HSPG2: variants seen among roughly 807,000 people sequenced by gnomAD.
HSPG2 encodes basement membrane-specific heparan sulfate proteoglycan core protein.
Under a neutral mutation model 526.6 loss-of-function variants are expected in HSPG2, and 278 were observed. The observed-to-expected ratio is 0.53, with a 90% CI of 0.48 to 0.58. The LOEUF is 0.58. Among genes scored for constraint, HSPG2 ranks in the 20% least tolerant of loss-of-function variants. HSPG2 has a pLI of 0.00. For synonymous variants in HSPG2, 2,465 were observed against 2,555.4 expected (o/e 0.96, Z 1.07); for missense variants, 5,354 against 6,099.5 (o/e 0.88, Z 4.07).
At chr1:21,907,231 G>T (rs1021076467) in intron 1 of HSPG2, among the ~76,000 whole-genome samples, 3 of 152,164 alleles carry the variant, frequency 2.0e-5, no homozygotes, top group Admixed American at 6.5e-5. Flanking sequence ...AGAGAGCTTC[G>T]TTCAGCTGCT....
intron 67 of HSPG2, 137 bp downstream of exon 67, chr1:21,842,633 G>A (rs1270454049): frequency 1.6e-5 from 19 of 1,172,224 alleles, no homozygotes; most frequent in Admixed American, 4.1e-5. Flanking sequence ...TTGCAGGCTG[G>A]TGAACTCGTC....
Position 21,872,867 on chromosome 1 carries a change from C to T in HSPG2, c.3889-107G>A. 1 of 1,537,436 alleles carries T rather than the reference C, an allele frequency of 6.5e-7. No individual in the cohort carries two copies. Among genetic ancestry groups the T allele is most frequent in the Non-Finnish European group, 8.9e-7 (1 of 1,117,704 alleles). ...GCCACTTCCAGCAGCCCCGGGCAGC[C>T]CCTGCCCTGTCCCCCATGCCCTGCC... On this transcript the variant is annotated intron_variant, in intron 31 of 96. Transcript: ENST00000374695. This position sits in a 1 kb window ranked among gnomAD's most constrained non-coding sequence, Gnocchi z 5.5.
chr1:21,873,019 G>A lies in HSPG2; in HGVS notation c.3866C>T (p.Ala1289Val), dbSNP rs1475997368. Residue 1289 changes from alanine to valine, a missense_variant, in exon 31 of 97, where the codon GCT (alanine) becomes GTT (valine). Transcript: ENST00000374695. ...GACCTTGCACTGGCACTGACCAGCA[G>A]CATCACACTGGCTGCTGACGCTGCC... Reference protein sequence around the residue: ...PQGSVSSQCDAAGQCQCKAQV... With the variant: ...PQGSVSSQCDVAGQCQCKAQV... The A allele has an allele frequency of 6.2e-7, 1 of 1,609,734 alleles. No individual in the cohort carries two copies. Among genetic ancestry groups the A allele is most frequent in the Non-Finnish European group, 8.5e-7 (1 of 1,179,938 alleles).
intron 17 of HSPG2, among the ~76,000 whole-genome samples, chr1:21,879,756 G>A (rs2244426): frequency 0.94 from 143,070 of 152,158 alleles, 67,903 homozygotes; most frequent in East Asian, 1. Context: ...GGGTTCAAGC[G>A]ATTTTCCTGC....
intron 74 of HSPG2, among the ~76,000 whole-genome samples, chr1:21,837,812 G>C (rs1434395733): frequency 6.6e-6 from 1 of 152,058 alleles, no homozygotes. Context: ...TACATGGTTG[G>C]CATTGTTCTC....
At chr1:21,863,070 A>AAAAAAAAAAC in intron 37 of HSPG2, among the ~76,000 whole-genome samples, 1 of 134,198 alleles carries the variant, frequency 7.5e-6, no homozygotes, top group Non-Finnish European at 1.6e-5. Flanking sequence ...CAAAAAAAAA[A>AAAAAAAAAAC]AAAAAAAAAA....
In HSPG2 at chr1:21,833,647, T is replaced by C. The variant is rs74060187; in HGVS notation, c.10831-33A>G. 41,948 of 1,613,596 alleles carry C rather than the reference T, an allele frequency of 0.026. 1,093 individuals carry two copies. Among genetic ancestry groups the C allele is most frequent in the African/African-American group, 0.14 (10,321 of 75,024 alleles). ...TGCACTAGCACTGAGGGCCCTGGCC[T>C]TGGCCCACGGCTCCAGGGGCCCACC... On this transcript the variant is annotated intron_variant, in intron 78 of 96. Transcript: ENST00000374695.
rs1640933536 is a variant in HSPG2, at chr1:21,874,956, G to A, written c.3349C>T (p.Gln1117Ter). 1 of 1,611,484 alleles carries A rather than the reference G, an allele frequency of 6.2e-7. No individual in the cohort carries two copies. Among genetic ancestry groups the A allele is most frequent in the Admixed American group, 1.7e-5 (1 of 59,736 alleles). ...TGTTCCACTTCCAGCGCGGGGTCCT[G>A]GCCGGTTTCCTCGGGCACAGCCACG... ...MDVAVPEETG[Q>*]DPALEVEQCS... Residue 1117 changes from glutamine (Q) to a stop codon, truncating the protein, a stop_gained, in exon 26 of 97, where the codon CAG (glutamine) becomes TAG (stop). Transcript: ENST00000374695. LOFTEE classifies it high-confidence loss of function.
At position 21,833,742 on chromosome 1, in the gene HSPG2, T is replaced by G. The variant is rs184313301; in HGVS notation, c.10830+74A>C. The G allele has an allele frequency of 2.2e-3, 3,298 of 1,527,136 alleles. 10 individuals carry two copies. The highest frequency in any genetic ancestry group is 3.6e-3 in the South Asian group (313 of 86,368). 94.6% of individuals were successfully genotyped at this position (1,527,136 alleles called of 1,614,324 possible). On this transcript the variant is annotated intron_variant, in intron 78 of 96. Coordinates refer to ENST00000374695, the MANE Select transcript of HSPG2 (RefSeq NM_005529.7). ...TCTTGGCCAAGCCTGTGCCACATCC[T>G]GGGGACACTGAGACGCTTCAGATCT...
At position 21,895,959 on chromosome 1, in the gene HSPG2, C is replaced by T. The variant is rs145744299; in HGVS notation, c.207G>A (p.Leu69=). The change falls in exon 3 of 97, where the codon CTG becomes CTA. Residue 69 remains leucine, a synonymous_variant. Coordinates refer to ENST00000374695, the MANE Select transcript of HSPG2 (RefSeq NM_005529.7). This position sits in a 1 kb window ranked among gnomAD's most constrained non-coding sequence, Gnocchi z 4.1. The part of the protein sequence containing the change: ...MLADSISGDD[L]GSGDLGSGDF... ...CCCCGCTGCCCAGGTCCCCACTGCC[C>T]AGGTCGTCTATAAGCAAAAAAGAGA... is the stretch of plus-strand genomic sequence containing the variant. The T allele has an allele frequency of 2.5e-6, 4 of 1,613,998 alleles. No homozygotes were observed. In the African/African-American group the frequency reaches 4.0e-5, roughly 16 times the overall value.
In HSPG2 at chr1:21,834,936, G is replaced by C; in HGVS notation, c.10463C>G (p.Ser3488Trp). The C allele has an allele frequency of 6.2e-7, 1 of 1,612,364 alleles. No homozygotes were observed. Among genetic ancestry groups the C allele is most frequent in the Non-Finnish European group, 8.5e-7 (1 of 1,180,008 alleles). The change falls in exon 77 of 97, where the codon TCG (serine) becomes TGG (tryptophan). Residue 3488 changes from serine (S) to tryptophan (W), a missense_variant. Ser to Trp is a radical substitution (Grantham distance 177, BLOSUM62 -3). Transcript: ENST00000374695. The stretch of plus-strand genomic sequence containing the variant: ...AGAGGTCCGGATGTTGATGAGCACC[G>C]AGGGCAGGGCTGGGGAGGAGGGAGG... Reference protein sequence around the residue: ...SAQLVIQALPSVLINIRTSVQ... With the variant: ...SAQLVIQALPWVLINIRTSVQ...
At position 21,873,978 on chromosome 1, in the gene HSPG2, G is replaced by A. The variant is rs1025715393; in HGVS notation, c.3690C>T (p.Gly1230=). Residue 1230 remains glycine, a synonymous_variant, in exon 29 of 97, where the codon GGC becomes GGT. Coordinates refer to ENST00000374695, the MANE Select transcript of HSPG2 (RefSeq NM_005529.7). ...GGGAGCACGCATCACAGGTGGGGTG[G>A]CCGTCTGTGTCCAGAAAACAAGTGT... ...AAHTCFLDTD[G]HPTCDACSPG... 3 of 1,606,608 alleles carry A rather than the reference G, an allele frequency of 1.9e-6. No individual in the cohort carries two copies. The highest frequency in any genetic ancestry group is 2.6e-6 in the Non-Finnish European group (3 of 1,176,394).
At position 21,827,908 on chromosome 1, in the gene HSPG2, C is replaced by A; in HGVS notation, c.12544G>T (p.Gly4182Cys). The change falls in exon 91 of 97, where the codon GGC (glycine) becomes TGC (cysteine). Residue 4182 changes from glycine to cysteine, a missense_variant. Gly to Cys is a radical substitution (Grantham distance 159). Transcript: ENST00000374695. ...GPRCQQGSGH[G>C]IAESDWHLEG... ...AGATGCCAGTCGGACTCTGCTATGC[C>A]ATGTCCAGAGCCTATGGAGAAGGGC... 6.2e-7 allele frequency: 1 copy of A among 1,600,886 alleles called. No homozygotes were observed. Among genetic ancestry groups the A allele is most frequent in the African/African-American group, 1.3e-5 (1 of 74,986 alleles).
intron 1 of HSPG2, chr1:21,908,439 GA>G: frequency 1.2e-6 from 1 of 858,084 alleles, no homozygotes; most frequent in Non-Finnish European, 2.0e-6. Flanking sequence ...AGAATGATCA[GA>G]AAAAGAGAGA....
chr1:21,875,783 C>T (rs370484893), intron 24 of HSPG2, 36 bp from the exon 25 acceptor site: 666 of 1,605,650 alleles, frequency 4.1e-4, no homozygotes, highest in African/African-American at 6.0e-4. Flanking sequence ...CAGCCCCTGA[C>T]GTCCTGGAGT....
chr1:21,874,364 A>G, intron 28 of HSPG2, 42 bp downstream of exon 28: 1 of 1,609,434 alleles, frequency 6.2e-7, no homozygotes, highest in Non-Finnish European at 8.5e-7. Context: ...CGGGTGGTAG[A>G]CATTTCAGGG....
chr1:21,917,101 G>A (rs755773182), intron 1 of HSPG2, among the ~76,000 whole-genome samples: 8 of 152,310 alleles, frequency 5.3e-5, no homozygotes, highest in Non-Finnish European at 1.2e-4. Context: ...AGTTCTGACC[G>A]CCTGTTTACA....
rs1639639424 is a variant in HSPG2, at chr1:21,859,664, T to A, written c.5195A>T (p.His1732Leu). 1 of 1,607,982 alleles carries A rather than the reference T, an allele frequency of 6.2e-7. No individual in the cohort carries two copies. The highest frequency in any genetic ancestry group is 1.3e-5 in the African/African-American group (1 of 74,956). ...ATCCGAGGGCTGGACGCTGGGGAAG[T>A]GGAGCTCGGAGCCTGGTGGGGAGGA... is the stretch of plus-strand genomic sequence containing the variant. ...TQQRHQGSEL[H>L]FPSVQPSDAG... The change falls in exon 42 of 97, where the codon CAC (histidine) becomes CTC (leucine). Residue 1732 changes from histidine (H) to leucine (L), a missense_variant. Physicochemically the swap from His to Leu is moderately conservative, Grantham distance 99. Transcript: ENST00000374695. The surrounding 1 kb of genome is among the most constrained non-coding windows in gnomAD (Gnocchi z 5.3).
chr1:21,862,927 G>A (rs928634990), intron 37 of HSPG2, among the ~76,000 whole-genome samples: 2 of 151,784 alleles, frequency 1.3e-5, no homozygotes, highest in Non-Finnish European at 2.9e-5. Flanking sequence ...AGGCATGGTG[G>A]CAGGTGCCTG....
Sources: allele counts gnomAD v4.1 joint callset (sites outside exome capture counted in the v4.1 genomes callset), GRCh38; gene constraint gnomAD v4.1.1; non-coding constraint Gnocchi (gnomAD v3.1); transcripts MANE v1.5; gene names NCBI Gene and HGNC (gene_info 2026-07-23, HGNC 2026-07-21).